The following RHOJ variants were observed in gnomAD, a reference collection of about 807,000 sequenced individuals.
RHOJ encodes the protein rho-related GTP-binding protein RhoJ.
RHOJ carries 11 observed loss-of-function variants against 23.4 expected under a neutral mutation model. The ratio of observed to expected loss-of-function variants is 0.47; its 90% confidence interval spans 0.30 to 0.78. The LOEUF is 0.78. Ranked by LOEUF, RHOJ falls within the 30% of genes least tolerant of loss-of-function variation. RHOJ has a pLI of 0.08. For missense variants in RHOJ, 254 were observed against 273.4 expected (o/e 0.93, Z 0.50); for synonymous variants, 102 against 102.7 (o/e 0.99, Z 0.04).
intron 1 of RHOJ, among the ~76,000 whole-genome samples, chr14:63,206,332 A>G (rs899038219): frequency 6.6e-6 from 1 of 152,218 alleles, no homozygotes; most frequent in African/African-American, 2.4e-5. Flanking sequence ...AAATATAATG[A>G]CTATGCCCAG....
At chr14:63,238,263 C>T (rs911540504) in intron 1 of RHOJ, among the ~76,000 whole-genome samples, 9 of 152,156 alleles carry the variant, frequency 5.9e-5, no homozygotes, top group Admixed American at 2.0e-4. Flanking sequence ...TGCTTGCTTG[C>T]TTTCCTGGGC....
At chr14:63,255,157 T>TC (rs965380470) in intron 1 of RHOJ, among the ~76,000 whole-genome samples, 6 of 151,988 alleles carry the variant, frequency 3.9e-5, no homozygotes, top group East Asian at 3.9e-4. Flanking sequence ...ACGCCTCAAA[T>TC]CCCCCCCTGA....
chr14:63,290,698 AT>A (rs1478212694), intron 4 of RHOJ, among the ~76,000 whole-genome samples, 179 bp from the exon 5 acceptor site: 4 of 149,918 alleles, frequency 2.7e-5, no homozygotes, highest in African/African-American at 1.0e-4. Flanking sequence ...AAAAAAAAAA[AT>A]AGGATAGCAG....
chr14:63,275,151 C>A (rs925456392), intron 2 of RHOJ, among the ~76,000 whole-genome samples: 2 of 152,050 alleles, frequency 1.3e-5, no homozygotes, highest in African/African-American at 2.4e-5. Flanking sequence ...GAGACCCTAT[C>A]TCTACAACAT....
intron 1 of RHOJ, among the ~76,000 whole-genome samples, chr14:63,244,484 A>C (rs1894941087): frequency 6.6e-6 from 1 of 152,066 alleles, no homozygotes; most frequent in Non-Finnish European, 1.5e-5. Context: ...AGGCTGAGGC[A>C]GCAGAATCGC....
At chr14:63,231,946 A>G (rs1894703232) in intron 1 of RHOJ, among the ~76,000 whole-genome samples, 1 of 152,218 alleles carries the variant, frequency 6.6e-6, no homozygotes, top group Non-Finnish European at 1.5e-5. Flanking sequence ...GATTAACGTC[A>G]GTTGGTTTGG....
chr14:63,232,475 T>G (rs1203022165), intron 1 of RHOJ, among the ~76,000 whole-genome samples: 5 of 152,166 alleles, frequency 3.3e-5, no homozygotes, highest in Non-Finnish European at 7.3e-5. Flanking sequence ...AATAGCTGTT[T>G]AGCAAGTTGG....
chr14:63,218,937 G>A (rs1305082316), intron 1 of RHOJ, among the ~76,000 whole-genome samples: 6 of 152,170 alleles, frequency 3.9e-5, no homozygotes, highest in Non-Finnish European at 5.9e-5. Flanking sequence ...ACTGATGTCC[G>A]AGTGCTGCAC....
intron 1 of RHOJ, among the ~76,000 whole-genome samples, chr14:63,260,280 A>G (rs943629294): frequency 7.2e-5 from 11 of 152,230 alleles, no homozygotes; most frequent in Admixed American, 2.0e-4. Flanking sequence ...TAGTTTTCTG[A>G]AAAAGATGAG....
chr14:63,265,703 T>C (rs1473427695), intron 1 of RHOJ, among the ~76,000 whole-genome samples: 1 of 152,258 alleles, frequency 6.6e-6, no homozygotes, highest in Non-Finnish European at 1.5e-5. Flanking sequence ...TGGTTACAGC[T>C]TGATTTTATG....
At chr14:63,243,385 G>C (rs903709827) in intron 1 of RHOJ, among the ~76,000 whole-genome samples, 1 of 152,090 alleles carries the variant, frequency 6.6e-6, no homozygotes, top group East Asian at 1.9e-4. Flanking sequence ...TGTCACCCAG[G>C]CTGGAGTACA....
At chr14:63,243,122 A>G (rs963317787) in intron 1 of RHOJ, among the ~76,000 whole-genome samples, 1 of 152,220 alleles carries the variant, frequency 6.6e-6, no homozygotes, top group Admixed American at 6.5e-5. Context: ...TCAAAGGGAA[A>G]AAAGTGATAA....
At chr14:63,274,543 G>C (rs1394005621) in intron 2 of RHOJ, among the ~76,000 whole-genome samples, 1 of 152,188 alleles carries the variant, frequency 6.6e-6, no homozygotes, top group Non-Finnish European at 1.5e-5. Context: ...CATCCAATAA[G>C]GGTAGGGAAA....
intron 1 of RHOJ, among the ~76,000 whole-genome samples, chr14:63,243,607 C>T (rs6573500): frequency 0.38 from 58,213 of 151,898 alleles, 15,400 homozygotes; most frequent in African/African-American, 0.75. Flanking sequence ...CCCGAAGTGC[C>T]AGGATTACAG....
At chr14:63,278,820 T>A (rs2139662633) in intron 2 of RHOJ, among the ~76,000 whole-genome samples, 1 of 151,848 alleles carries the variant, frequency 6.6e-6, no homozygotes, top group Non-Finnish European at 1.5e-5. Context: ...CCCCCATCTC[T>A]ACAAAAAAAA....
intron 1 of RHOJ, among the ~76,000 whole-genome samples, chr14:63,251,898 A>T (rs768497012): frequency 1.2e-4 from 18 of 152,110 alleles, no homozygotes; most frequent in Admixed American, 3.3e-4. Flanking sequence ...AGGCAGGCTG[A>T]TCACTTGAGG....
At chr14:63,210,100 T>C (rs977024797) in intron 1 of RHOJ, among the ~76,000 whole-genome samples, 9 of 151,708 alleles carry the variant, frequency 5.9e-5, no homozygotes, top group Admixed American at 1.3e-4. Context: ...GCTGGGACAA[T>C]AGGCACGTGC....
At chr14:63,273,823 G>A (rs973841688) in intron 2 of RHOJ, among the ~76,000 whole-genome samples, 7 of 152,202 alleles carry the variant, frequency 4.6e-5, no homozygotes, top group African/African-American at 1.2e-4. Context: ...AGGAATGACC[G>A]TCTCCTGGTG....
chr14:63,253,221 C>T (rs944835490), intron 1 of RHOJ, among the ~76,000 whole-genome samples: 2 of 152,184 alleles, frequency 1.3e-5, no homozygotes, highest in African/African-American at 2.4e-5. Flanking sequence ...CCTAGTTCCT[C>T]CATCTGCTAA....
Sources: allele counts gnomAD v4.1 joint callset (sites outside exome capture counted in the v4.1 genomes callset), GRCh38; gene constraint gnomAD v4.1.1; transcripts MANE v1.5; gene names NCBI Gene and HGNC (gene_info 2026-07-23, HGNC 2026-07-21).